Variants in TENM1 observed in about 807,000 individuals in gnomAD.
TENM1 encodes the protein teneurin transmembrane protein 1.
In TENM1, 35 loss-of-function variants were observed where a neutral mutation model predicts 174.8. The ratio of observed to expected loss-of-function variants is 0.20; its 90% CI spans 0.15 to 0.27. The LOEUF (loss-of-function observed/expected upper bound fraction) is 0.27, where lower values mean the gene tolerates loss of function less well. Among genes scored for constraint, TENM1 ranks in the 10% least tolerant of loss-of-function variants. The pLI is 1.00. For missense variants in TENM1, 1,633 were observed against 2,130.1 expected, an observed-to-expected ratio of 0.77 and a Z score of 4.59; for synonymous variants, 781 against 798.7, an observed-to-expected ratio of 0.98 and a Z score of 0.37.
the TENM1 span, among the ~76,000 whole-genome samples, chrX:125,014,854 G>C: frequency 9.0e-6 from 1 of 111,624 alleles, no homozygotes; most frequent in African/African-American, 3.3e-5. Flanking sequence ...AGAAGCTACA[G>C]AAAATAACAC....
intron 11 of TENM1, among the ~76,000 whole-genome samples, chrX:124,568,709 T>C (rs983746046): frequency 9.0e-6 from 1 of 110,888 alleles, no homozygotes; most frequent in African/African-American, 3.3e-5. Flanking sequence ...TTAGTGGAGT[T>C]CACAAAACAG....
intron 1 of TENM1, among the ~76,000 whole-genome samples, chrX:124,957,959 C>T (rs188703596): frequency 9.0e-6 from 1 of 111,567 alleles, no homozygotes; most frequent in South Asian, 3.8e-4. Context: ...GTATATATAT[C>T]TCCATGCATT....
chrX:124,680,362 G>C (rs1312535755), intron 5 of TENM1, among the ~76,000 whole-genome samples: 1 of 111,122 alleles, frequency 9.0e-6, no homozygotes. Context: ...TCCCAGTTCT[G>C]TATTATATTA....
intron 9 of TENM1, among the ~76,000 whole-genome samples, chrX:124,645,777 G>A (rs1047030615): frequency 1.8e-5 from 2 of 112,221 alleles, no homozygotes; most frequent in African/African-American, 6.5e-5. Context: ...ACAGATGTCT[G>A]TTCCTATAAC....
chrX:124,871,858 C>A (rs780584543), intron 3 of TENM1, among the ~76,000 whole-genome samples: 3 of 109,269 alleles, frequency 2.7e-5, no homozygotes, highest in South Asian at 8.1e-4. Context: ...ATGGTGAAAC[C>A]CCGTCTCTAC....
chrX:124,576,787 C>T (rs2049175795), intron 11 of TENM1, among the ~76,000 whole-genome samples: 2 of 111,436 alleles, frequency 1.8e-5, no homozygotes, highest in African/African-American at 6.5e-5. Flanking sequence ...TTTTTTCTCC[C>T]TTTTATGAAT....
At chrX:125,190,707 C>T in the TENM1 span, among the ~76,000 whole-genome samples, 1 of 110,991 alleles carries the variant, frequency 9.0e-6, no homozygotes, top group Non-Finnish European at 1.9e-5. Context: ...CCTCACTTCT[C>T]ATATGGCAAT....
intron 11 of TENM1, among the ~76,000 whole-genome samples, chrX:124,639,084 G>A (rs1311482127): frequency 9.0e-6 from 1 of 111,566 alleles, no homozygotes; most frequent in African/African-American, 3.3e-5. Context: ...TATCTCAAAG[G>A]TGGTTTGTTT....
intron 25 of TENM1, among the ~76,000 whole-genome samples, chrX:124,413,157 T>A (rs1462454077): frequency 9.0e-6 from 1 of 111,657 alleles, no homozygotes; most frequent in African/African-American, 3.3e-5. Flanking sequence ...AGTGTTTTGG[T>A]GGCAATGAGT....
At chrX:124,726,762 G>A in intron 4 of TENM1, among the ~76,000 whole-genome samples, 1 of 111,831 alleles carries the variant, frequency 8.9e-6, no homozygotes, top group Admixed American at 9.5e-5. Flanking sequence ...TAAATGTTAG[G>A]TATATTTTAG....
At chrX:124,887,312 A>G (rs1410053872) in intron 3 of TENM1, among the ~76,000 whole-genome samples, 6 of 111,305 alleles carry the variant, frequency 5.4e-5, no homozygotes, top group Non-Finnish European at 1.1e-4. Context: ...AATATGGGGA[A>G]ATATCCAAGA....
At chrX:124,463,646 T>C (rs1012674074) in intron 22 of TENM1, among the ~76,000 whole-genome samples, 7 of 111,238 alleles carry the variant, frequency 6.3e-5, no homozygotes, top group Admixed American at 5.7e-4. Flanking sequence ...AAATTATTGG[T>C]GTAAAAGCCT....
intron 3 of TENM1, among the ~76,000 whole-genome samples, 171 bp from the exon 7 acceptor site, chrX:124,737,368 C>G (rs151076541): frequency 2.7e-5 from 3 of 111,764 alleles, no homozygotes; most frequent in Admixed American, 9.4e-5. Context: ...TACAAAAGCA[C>G]GTGCAGCATG....
the TENM1 span, among the ~76,000 whole-genome samples, chrX:125,088,440 T>A: frequency 9.0e-6 from 1 of 111,233 alleles, no homozygotes; most frequent in South Asian, 3.8e-4. Flanking sequence ...GTGTGGTTCA[T>A]TGTGACAAAT....
intron 27 of TENM1, among the ~76,000 whole-genome samples, chrX:124,397,295 C>T (rs1033044699): frequency 8.9e-6 from 1 of 112,177 alleles, no homozygotes; most frequent in African/African-American, 3.2e-5. Context: ...CATTGTACTA[C>T]GTTGATCTAA....
At chrX:125,017,109 C>T in the TENM1 span, among the ~76,000 whole-genome samples, 1 of 111,866 alleles carries the variant, frequency 8.9e-6, no homozygotes, top group Non-Finnish European at 1.9e-5. Context: ...ACCATAAAAA[C>T]CCTAGAAGAA....
At chrX:125,142,827 C>T in the TENM1 span, among the ~76,000 whole-genome samples, 5 of 111,429 alleles carry the variant, frequency 4.5e-5, no homozygotes, top group Non-Finnish European at 9.4e-5. Context: ...TCCCAAAATT[C>T]TTATCCAAAG....
At chrX:124,889,383 A>C (rs763791034) in intron 3 of TENM1, among the ~76,000 whole-genome samples, 7 of 111,880 alleles carry the variant, frequency 6.3e-5, no homozygotes, top group Non-Finnish European at 1.3e-4. Context: ...TTTCCTGAAT[A>C]GAAGAAATAT....
intron 28 of TENM1, among the ~76,000 whole-genome samples, chrX:124,386,727 T>A (rs1412674367): frequency 9.1e-6 from 1 of 109,955 alleles, no homozygotes; most frequent in Non-Finnish European, 1.9e-5. Context: ...TTATTTCATT[T>A]TTTTAGAGCC....
Sources: gnomAD v4.1 joint callset for allele counts (sites outside exome capture counted in the v4.1 genomes callset) on GRCh38, gnomAD v4.1.1 for gene constraint, MANE v1.5 for transcripts, NCBI Gene and HGNC (gene_info 2026-07-23, HGNC 2026-07-21) for gene names.